The following NFIX variants were observed in gnomAD, a reference collection of about 807,000 sequenced individuals.
The protein encoded by NFIX is nuclear factor I X, also known as nuclear factor 1 X-type.
NFIX carries 2 observed loss-of-function variants against 53.3 expected under a neutral mutation model. That is an observed-to-expected ratio of 0.04 (90% confidence interval 0.02 to 0.12). The LOEUF is 0.12. Ranked by LOEUF, NFIX falls within the 10% of genes least tolerant of loss-of-function variation. The probability of loss-of-function intolerance (pLI) is 1.00; values close to 1 mark genes in which losing one functional copy is unlikely to be tolerated. For synonymous variants in NFIX, 244 were observed against 289.0 expected (o/e 0.84, Z 1.58); for missense variants, 310 against 674.5 (o/e 0.46, Z 5.99).
At chr19:13,003,364 A>G (rs985743934) in intron 1 of NFIX, among the ~76,000 whole-genome samples, 6 of 152,162 alleles carry the variant, frequency 3.9e-5, no homozygotes, top group Non-Finnish European at 2.9e-5. Context: ...CAGTCACACG[A>G]TCACATGCCA....
At position 13,089,132 on chromosome 19, in the gene NFIX, A is replaced by G. The variant is rs2017983352; in HGVS notation, c.1402+996A>G. ...TTCCCCTCTCCATCCTCTTCATGCC[A>G]TCTTCCCATCTGCATCCACCATAAG... On this transcript the variant is annotated intron_variant, in intron 9 of 10. Transcript: ENST00000592199. This position sits in a 1 kb window ranked among gnomAD's most constrained non-coding sequence, Gnocchi z 4.8. Among the ~76,000 whole-genome samples, 2 of 151,954 alleles carry G rather than the reference A, an allele frequency of 1.3e-5. No individual in the cohort carries two copies. The highest frequency in any genetic ancestry group is 4.8e-5 in the African/African-American group (2 of 41,348).
intron 2 of NFIX, among the ~76,000 whole-genome samples, chr19:13,053,983 A>G (rs1385877897): frequency 6.6e-6 from 1 of 151,920 alleles, no homozygotes; most frequent in Non-Finnish European, 1.5e-5. Context: ...GTCCTGGCCT[A>G]CTGGCCTGCG....
At chr19:13,075,371 T>C (rs1208576649) in intron 5 of NFIX, among the ~76,000 whole-genome samples, 164 bp from the exon 6 acceptor site, 1 of 151,996 alleles carries the variant, frequency 6.6e-6, no homozygotes, top group African/African-American at 2.4e-5. Context: ...CTAGGGCTGA[T>C]CTTGGGGTTG....
chr19:12,997,616 C>T (rs988773401), intron 1 of NFIX, among the ~76,000 whole-genome samples: 4 of 152,280 alleles, frequency 2.6e-5, no homozygotes, highest in Admixed American at 2.0e-4. Context: ...GCTGTGTGGC[C>T]GATGTTTGGG....
At chr19:13,053,583 C>T (rs1283043243) in intron 2 of NFIX, among the ~76,000 whole-genome samples, 2 of 152,142 alleles carry the variant, frequency 1.3e-5, no homozygotes, top group Non-Finnish European at 2.9e-5. Context: ...CCTTGCTACC[C>T]TCCAGCCCAT....
chr19:13,024,112 CCA>C, intron 1 of NFIX: 3 of 585,726 alleles, frequency 5.1e-6, no homozygotes, highest in South Asian at 3.0e-5. Flanking sequence ...AAGCAAACAA[CCA>C]AAAAAAAAAA....
intron 2 of NFIX, among the ~76,000 whole-genome samples, chr19:13,026,001 TG>T (rs2013313823): frequency 6.6e-6 from 1 of 152,248 alleles, no homozygotes; most frequent in Admixed American, 6.5e-5. Context: ...CAGGAAAAAC[TG>T]GGTTTGGTAC....
rs1018675830 is a variant in NFIX at position 13,093,973 on chromosome 19, A to C, written c.1495-662A>C. 6.6e-6 allele frequency among the ~76,000 whole-genome samples: 1 copy of C among 152,130 alleles called. No individual in the cohort carries two copies. Among genetic ancestry groups the C allele is most frequent in the Non-Finnish European group, 1.5e-5 (1 of 68,012 alleles). ...GGGAAGGCAGCGCCCCCTGCTGGCG[A>C]TATGAAGGAAATGACGCTCACCCCA... On this transcript the variant is annotated intron_variant, in intron 10 of 10. Transcript: ENST00000592199. The surrounding 1 kb of genome is among the most constrained non-coding windows in gnomAD (Gnocchi z 4.7).
At chr19:13,063,971 G>A (rs906305827) in intron 2 of NFIX, among the ~76,000 whole-genome samples, 7 of 152,152 alleles carry the variant, frequency 4.6e-5, no homozygotes, top group Non-Finnish European at 1.0e-4. Flanking sequence ...TGGCCAGCCT[G>A]TCCTGTCCTG....
intron 2 of NFIX, among the ~76,000 whole-genome samples, chr19:13,063,327 C>A (rs1344458773): frequency 6.6e-6 from 1 of 152,106 alleles, no homozygotes; most frequent in African/African-American, 2.4e-5. Context: ...CAGAAGCATT[C>A]AGGGGTGGGT....
chr19:13,038,542 G>A (rs1456707012), intron 2 of NFIX, among the ~76,000 whole-genome samples: 1 of 152,232 alleles, frequency 6.6e-6, no homozygotes, highest in Non-Finnish European at 1.5e-5. Context: ...CTGGCACATG[G>A]AGTTTACAGA....
At chr19:13,023,551 G>GGGGGT (rs1568266485) in intron 1 of NFIX, among the ~76,000 whole-genome samples, 3 of 151,888 alleles carry the variant, frequency 2.0e-5, no homozygotes, top group African/African-American at 4.8e-5. Flanking sequence ...TGTTTTGCAC[G>GGGGGT]GGGGTGGGGT....
chr19:13,004,904 C>T (rs1038359877), intron 1 of NFIX, among the ~76,000 whole-genome samples: 3 of 151,818 alleles, frequency 2.0e-5, no homozygotes, highest in African/African-American at 7.3e-5. Flanking sequence ...GCAACCTTGG[C>T]CTCCCAGGCT....
rs2016900820 is a variant in NFIX, at chr19:13,073,649, C to T, written c.697+153C>T. On this transcript the variant is annotated intron_variant, in intron 4 of 10. Coordinates refer to ENST00000592199, the MANE Select transcript of NFIX (RefSeq NM_001365902.3). This position sits in a 1 kb window ranked among gnomAD's most constrained non-coding sequence, Gnocchi z 4.5. ...GGCTTCACTGGTGCTGGGCTGGGTA[C>T]AATAGAGTCTTCCAGAGAGGCCTGT... Among the ~76,000 whole-genome samples, 2 of 152,136 alleles carry T rather than the reference C, an allele frequency of 1.3e-5. No homozygotes were observed. Among genetic ancestry groups the T allele is most frequent in the South Asian group, 4.1e-4 (2 of 4,822 alleles).
intron 1 of NFIX, chr19:13,024,113 C>CAAAAAAAAAAAAA: frequency 1.2e-5 from 5 of 412,066 alleles, no homozygotes; most frequent in South Asian, 5.4e-5. Flanking sequence ...AGCAAACAAC[C>CAAAAAAAAAAAAA]AAAAAAAAAA....
intron 1 of NFIX, 69 bp from the exon 2 acceptor site, chr19:13,024,952 C>T (rs1402672102): frequency 6.5e-7 from 1 of 1,541,540 alleles, no homozygotes; most frequent in Non-Finnish European, 8.8e-7. Flanking sequence ...TTCTCTCTTT[C>T]CCCCTCATCC....
intron 2 of NFIX, among the ~76,000 whole-genome samples, chr19:13,055,944 G>A (rs2015656966): frequency 1.3e-5 from 2 of 152,174 alleles, no homozygotes; most frequent in Admixed American, 1.3e-4. Flanking sequence ...CCCCCCAGTC[G>A]CCCCTCAACT....
At chr19:13,056,048 C>T (rs761516803) in intron 2 of NFIX, among the ~76,000 whole-genome samples, 13 of 152,244 alleles carry the variant, frequency 8.5e-5, no homozygotes, top group Admixed American at 2.6e-4. Flanking sequence ...TGAAAAGCAA[C>T]GAGCTAGCAG....
intron 1 of NFIX, among the ~76,000 whole-genome samples, chr19:13,000,375 C>T (rs1183747278): frequency 6.6e-6 from 1 of 152,026 alleles, no homozygotes; most frequent in Non-Finnish European, 1.5e-5. Flanking sequence ...GGGTAGAAGA[C>T]AGGATCGAGC....
Sources: allele counts gnomAD v4.1 joint callset (sites outside exome capture counted in the v4.1 genomes callset), GRCh38; gene constraint gnomAD v4.1.1; non-coding constraint Gnocchi (gnomAD v3.1); transcripts MANE v1.5; gene names NCBI Gene and HGNC (gene_info 2026-07-23, HGNC 2026-07-21).